Variants in ST6GAL1 observed in about 807,000 individuals in gnomAD.
The protein encoded by ST6GAL1 is beta-galactoside alpha-2,6-sialyltransferase 1.
A neutral mutation model predicts 38.0 loss-of-function variants in ST6GAL1; 20 were observed. The observed-to-expected ratio is 0.53, with a 90% CI of 0.37 to 0.77. The LOEUF (loss-of-function observed/expected upper bound fraction) is 0.77, where lower values mean the gene tolerates loss of function less well. Ranked by LOEUF, ST6GAL1 falls within the 30% of genes least tolerant of loss-of-function variation. The probability of loss-of-function intolerance (pLI) is 0.00; values close to 1 mark genes in which losing one functional copy is unlikely to be tolerated. For synonymous variants in ST6GAL1, 196 were observed against 188.2 expected, an observed-to-expected ratio of 1.04 and a Z score of -0.34; for missense variants, 432 against 496.4, an observed-to-expected ratio of 0.87 and a Z score of 1.23.
At chr3:187,022,194 G>T (rs1560165724) in intron 2 of ST6GAL1, among the ~76,000 whole-genome samples, 1 of 152,294 alleles carries the variant, frequency 6.6e-6, no homozygotes, top group East Asian at 1.9e-4. Flanking sequence ...TTTCCAGGTA[G>T]ATAGTGTTGG....
chr3:187,058,395 C>T (rs1317793706), intron 5 of ST6GAL1, among the ~76,000 whole-genome samples: 2 of 152,186 alleles, frequency 1.3e-5, no homozygotes, highest in Non-Finnish European at 2.9e-5. Flanking sequence ...CTGGGAGCTG[C>T]AGACCAGAGC....
chr3:186,996,163 T>C (rs746103297), intron 2 of ST6GAL1, among the ~76,000 whole-genome samples: 1 of 152,344 alleles, frequency 6.6e-6, no homozygotes, highest in African/African-American at 2.4e-5. Flanking sequence ...AGCAGTAATA[T>C]TTGAAGGACT....
Position 187,074,268 on chromosome 3 carries a change from G to T in ST6GAL1, c.914G>T (p.Trp305Leu). ...AAGCCCCAGATGCCTTGGGAGCTAT[G>T]GGACATTCTTCAAGAAATCTCCCCA... Reference protein sequence around the residue: ...ILKPQMPWELWDILQEISPEE... With the variant: ...ILKPQMPWELLDILQEISPEE... The change falls in exon 7 of 8, where the codon TGG becomes TTG. Residue 305 changes from tryptophan to leucine, a missense_variant. Trp to Leu is a moderately conservative substitution (Grantham distance 61). Transcript: ENST00000169298. 6.2e-7 allele frequency: 1 copy of T among 1,611,702 alleles called. No homozygotes were observed. Among genetic ancestry groups the T allele is most frequent in the Non-Finnish European group, 8.5e-7 (1 of 1,179,022 alleles).
chr3:186,934,421 G>T (rs1416701047), intron 1 of ST6GAL1, among the ~76,000 whole-genome samples: 1 of 150,340 alleles, frequency 6.7e-6, no homozygotes, highest in Non-Finnish European at 1.5e-5. Flanking sequence ...AATTAGCTGG[G>T]CATGGTGGCG....
At chr3:186,953,114 G>A (rs1403986854) in intron 1 of ST6GAL1, among the ~76,000 whole-genome samples, 1 of 152,162 alleles carries the variant, frequency 6.6e-6, no homozygotes, top group Non-Finnish European at 1.5e-5. Context: ...CCTCCTGCTT[G>A]TAGTCTTGCT....
chr3:186,965,252 T>A (rs545383852), intron 2 of ST6GAL1, among the ~76,000 whole-genome samples: 3 of 152,304 alleles, frequency 2.0e-5, no homozygotes, highest in African/African-American at 7.2e-5. Context: ...GCCTCAGCAA[T>A]GCAGGACATA....
chr3:186,967,942 G>A (rs1715205819), intron 2 of ST6GAL1, among the ~76,000 whole-genome samples: 1 of 152,214 alleles, frequency 6.6e-6, no homozygotes, highest in Non-Finnish European at 1.5e-5. Context: ...GGATGGGCTG[G>A]CTTTGGCTGT....
chr3:186,992,522 G>A (rs1161620327), intron 2 of ST6GAL1, among the ~76,000 whole-genome samples: 4 of 152,272 alleles, frequency 2.6e-5, no homozygotes, highest in South Asian at 4.2e-4. Flanking sequence ...GGCCGGGCGC[G>A]GTGGCTCCCG....
At chr3:186,954,760 T>G (rs1196896283) in intron 1 of ST6GAL1, among the ~76,000 whole-genome samples, 3 of 152,108 alleles carry the variant, frequency 2.0e-5, no homozygotes, top group African/African-American at 7.2e-5. Flanking sequence ...ATTGCAAAAA[T>G]TTTCTCCCGT....
At chr3:186,973,100 A>G (rs1340129359) in intron 2 of ST6GAL1, among the ~76,000 whole-genome samples, 2 of 152,102 alleles carry the variant, frequency 1.3e-5, no homozygotes, top group African/African-American at 4.8e-5. Flanking sequence ...CAATGGTACA[A>G]TCTCAGCTCA....
intron 2 of ST6GAL1, among the ~76,000 whole-genome samples, chr3:187,033,819 C>T (rs1444141371): frequency 6.6e-6 from 1 of 151,942 alleles, no homozygotes; most frequent in African/African-American, 2.4e-5. Context: ...TTAGAAAGAT[C>T]TCAAATTAAC....
intron 2 of ST6GAL1, among the ~76,000 whole-genome samples, chr3:186,974,236 G>C (rs6806125): frequency 0.17 from 26,358 of 152,024 alleles, 2,373 homozygotes; most frequent in Non-Finnish European, 0.19. Context: ...CCCTCACCCC[G>C]CCTCCAACAG....
At chr3:187,001,489 C>T (rs1003294299) in intron 2 of ST6GAL1, among the ~76,000 whole-genome samples, 1 of 152,196 alleles carries the variant, frequency 6.6e-6, no homozygotes, top group Non-Finnish European at 1.5e-5. Flanking sequence ...TTGGATCTCA[C>T]TTCCATTGCT....
chr3:187,077,065 G>C lies in ST6GAL1; in HGVS notation c.*1262G>C, dbSNP rs1377593046. 5.0e-6 allele frequency: 2 copies of C among 398,356 alleles called. No homozygotes were observed. The highest frequency in any genetic ancestry group is 8.8e-6 in the Non-Finnish European group (2 of 226,006). The allele number at this position is 398,356 out of a possible 1,614,324, so 24.7% of individuals were successfully genotyped here. A position where few individuals can be genotyped will look rare whatever the true frequency, so the allele number is the denominator to read the frequency against. ...GGGCCTTTTGCTGAAGGTCTCTCAGGGTGTAGTGGTGTGGCTCTCTGGACT... is the reference window on the plus strand; with the variant it reads ...GGGCCTTTTGCTGAAGGTCTCTCAGCGTGTAGTGGTGTGGCTCTCTGGACT... On this transcript the variant is annotated 3_prime_UTR_variant, in exon 8 of 8. Coordinates refer to ENST00000169298, the MANE Select transcript of ST6GAL1 (RefSeq NM_173216.2).
intron 1 of ST6GAL1, among the ~76,000 whole-genome samples, chr3:186,953,525 G>T (rs531947581): frequency 2.0e-5 from 3 of 152,076 alleles, no homozygotes; most frequent in Admixed American, 1.3e-4. Context: ...TCCTCCCACC[G>T]ACTTGGCTCT....
At chr3:186,986,322 T>C (rs1373587569) in intron 2 of ST6GAL1, 1 of 152,234 alleles carries the variant, frequency 6.6e-6, no homozygotes, top group African/African-American at 2.4e-5. Flanking sequence ...CGCTACTCAG[T>C]CCAGGCCTCT....
At chr3:186,992,621 C>T (rs1245620903) in intron 2 of ST6GAL1, among the ~76,000 whole-genome samples, 1 of 152,146 alleles carries the variant, frequency 6.6e-6, no homozygotes, top group African/African-American at 2.4e-5. Context: ...TGGTGAAACC[C>T]CGTCTCTACT....
chr3:187,059,603 A>C (rs1338014157), intron 5 of ST6GAL1, among the ~76,000 whole-genome samples: 1 of 152,214 alleles, frequency 6.6e-6, no homozygotes, highest in Non-Finnish European at 1.5e-5. Context: ...GTCTCTTACT[A>C]GCTGAAGGAT....
At chr3:186,992,268 T>G (rs2108546296) in intron 2 of ST6GAL1, among the ~76,000 whole-genome samples, 1 of 152,206 alleles carries the variant, frequency 6.6e-6, no homozygotes, top group South Asian at 2.1e-4. Flanking sequence ...TCACAAGATC[T>G]GATGGTATTT....
Sources: gnomAD v4.1 joint callset for allele counts (sites outside exome capture counted in the v4.1 genomes callset) on GRCh38, gnomAD v4.1.1 for gene constraint, MANE v1.5 for transcripts, NCBI Gene and HGNC (gene_info 2026-07-23, HGNC 2026-07-21) for gene names.